REEP1: variants seen among roughly 807,000 people sequenced by gnomAD.
REEP1 encodes the protein receptor accessory protein 1, also known as receptor expression-enhancing protein 1.
In REEP1, 22 loss-of-function variants were observed where a neutral mutation model predicts 40.3. The ratio of observed to expected loss-of-function variants is 0.55; its 90% CI spans 0.39 to 0.78. REEP1 has a LOEUF of 0.78. Ranked by LOEUF, REEP1 falls within the 30% of genes least tolerant of loss-of-function variation. The pLI is 0.00. For missense variants in REEP1, 280 were observed against 361.1 expected (o/e 0.78, Z 1.82); for synonymous variants, 116 against 139.2 (o/e 0.83, Z 1.17).
chr2:86,284,750 C>T (rs974020692), intron 1 of REEP1, among the ~76,000 whole-genome samples: 1 of 152,146 alleles, frequency 6.6e-6, no homozygotes, highest in African/African-American at 2.4e-5. Context: ...TCCCCGTGAA[C>T]CCGTGGGTCG....
At chr2:86,288,310 C>T (rs1351646178) in intron 1 of REEP1, among the ~76,000 whole-genome samples, 1 of 152,218 alleles carries the variant, frequency 6.6e-6, no homozygotes, top group African/African-American at 2.4e-5. Flanking sequence ...GCGTGAGCCA[C>T]AGCACCCAGC....
chr2:86,251,113 A>T (rs1676247843), intron 5 of REEP1, among the ~76,000 whole-genome samples: 1 of 152,102 alleles, frequency 6.6e-6, no homozygotes, highest in South Asian at 2.1e-4. Context: ...CCACCAGCCG[A>T]ATGTAGGTCC....
At chr2:86,280,057 G>C (rs1401634388) in intron 2 of REEP1, 1 of 456,210 alleles carries the variant, frequency 2.2e-6, no homozygotes, top group Non-Finnish European at 4.4e-6. Context: ...AGGGATGAAG[G>C]GACATGGTCA....
At chr2:86,294,026 A>G (rs1678856445) in intron 1 of REEP1, among the ~76,000 whole-genome samples, 1 of 152,232 alleles carries the variant, frequency 6.6e-6, no homozygotes, top group Non-Finnish European at 1.5e-5. Flanking sequence ...CCAATCACAA[A>G]AAGGCAAATA....
chr2:86,320,215 C>A (rs986664401), intron 1 of REEP1, among the ~76,000 whole-genome samples: 1 of 152,192 alleles, frequency 6.6e-6, no homozygotes, highest in Non-Finnish European at 1.5e-5. Flanking sequence ...AAGAGGAAAC[C>A]GTATTTCCCC....
intron 1 of REEP1, among the ~76,000 whole-genome samples, chr2:86,285,700 C>T (rs545477904): frequency 3.9e-5 from 6 of 152,288 alleles, no homozygotes; most frequent in Non-Finnish European, 7.3e-5. Context: ...ATCATATAGT[C>T]CTGGGCAATC....
chr2:86,272,271 A>C (rs1677498695), intron 2 of REEP1, among the ~76,000 whole-genome samples: 1 of 152,138 alleles, frequency 6.6e-6, no homozygotes, highest in Non-Finnish European at 1.5e-5. Flanking sequence ...TTAGCTACAA[A>C]CTTCTCCAGT....
intron 6 of REEP1, among the ~76,000 whole-genome samples, chr2:86,229,661 G>A: frequency 7.0e-6 from 1 of 143,750 alleles, no homozygotes; most frequent in Non-Finnish European, 1.5e-5. Context: ...CCAGACTGGA[G>A]TGCAATGGTG....
At chr2:86,260,642 C>T (rs902145449) in intron 3 of REEP1, among the ~76,000 whole-genome samples, 3 of 152,182 alleles carry the variant, frequency 2.0e-5, no homozygotes, top group African/African-American at 7.2e-5. Flanking sequence ...CTCGACAGGC[C>T]ATCATTGGCT....
rs1296046852 is a variant in REEP1 at position 86,252,004 on chromosome 2, G to A, written c.370C>T (p.Arg124Trp). 2.5e-6 allele frequency: 4 copies of A among 1,614,068 alleles called. No individual in the cohort carries two copies. The highest frequency in any genetic ancestry group is 1.3e-5 in the African/African-American group (1 of 75,022). ...GCTGTGGCGGCCACGTTCAAGCCCC[G>A]CTTCCCGAAGTGCACAAGGGCATCG... ...SYDALVHFGK[R>W]GLNVAATAAV... The change falls in exon 5 of 9, where the codon CGG becomes TGG. Residue 124 changes from arginine (R) to tryptophan (W), a missense_variant. Around this residue, in one of 3 missense-constraint regions of REEP1, gnomAD observed 201 missense variants for 238.5 expected, o/e 0.84. Coordinates refer to ENST00000538924, the MANE Select transcript of REEP1 (RefSeq NM_001371279.1).
At chr2:86,269,424 C>A (rs1186020777) in intron 2 of REEP1, among the ~76,000 whole-genome samples, 1 of 152,214 alleles carries the variant, frequency 6.6e-6, no homozygotes, top group East Asian at 1.9e-4. Context: ...TAGATTATAA[C>A]ACTTTATGGC....
chr2:86,255,805 C>T (rs1676524177), intron 3 of REEP1, among the ~76,000 whole-genome samples: 1 of 152,166 alleles, frequency 6.6e-6, no homozygotes, highest in Non-Finnish European at 1.5e-5. Context: ...AGAAAACTGG[C>T]CTCTTCAACT....
intron 1 of REEP1, among the ~76,000 whole-genome samples, chr2:86,293,450 A>G (rs1413902486): frequency 6.6e-6 from 1 of 152,236 alleles, no homozygotes; most frequent in Non-Finnish European, 1.5e-5. Context: ...GATGATGACT[A>G]CAAAGGGGCA....
intron 1 of REEP1, among the ~76,000 whole-genome samples, chr2:86,325,637 T>C (rs1334309456): frequency 6.6e-6 from 1 of 152,098 alleles, no homozygotes; most frequent in Non-Finnish European, 1.5e-5. Context: ...GAGACTACAG[T>C]AATGCAGCCA....
intron 1 of REEP1, among the ~76,000 whole-genome samples, chr2:86,288,689 C>T (rs190802762): frequency 3.3e-5 from 5 of 152,314 alleles, no homozygotes; most frequent in Non-Finnish European, 2.9e-5. Context: ...TGCAAAACCA[C>T]TTGCCAGAAT....
chr2:86,263,639 G>T (rs1223234236), intron 3 of REEP1, among the ~76,000 whole-genome samples: 1 of 152,132 alleles, frequency 6.6e-6, no homozygotes, highest in Non-Finnish European at 1.5e-5. Context: ...GCATTTTTGT[G>T]CATTGTTTCT....
rs115909297 is a variant in REEP1, at chr2:86,226,664, C to A, written c.631+699G>T. On this transcript the variant is annotated intron_variant, in intron 7 of 8. Coordinates refer to ENST00000538924, the MANE Select transcript of REEP1 (RefSeq NM_001371279.1). ...TTTTTTTTAATTGTAGAGATTAATT[C>A]TTGCTATATTGCCCAGGTTGGTCTC... 5.9e-3 allele frequency among the ~76,000 whole-genome samples: 852 copies of A among 144,680 alleles called. 16 individuals are homozygous for A. The highest frequency in any genetic ancestry group is 0.021 in the African/African-American group (794 of 38,234). 94.9% of individuals were successfully genotyped at this position (144,680 alleles called of 152,430 possible). A position where few individuals can be genotyped will look rare whatever the true frequency, so the allele number is the denominator to read the frequency against.
At chr2:86,297,735 G>T in intron 1 of REEP1, 12 of 985,198 alleles carry the variant, frequency 1.2e-5, no homozygotes, top group Non-Finnish European at 1.4e-5. Context: ...AATCATAAAA[G>T]CAACCTACCT....
At chr2:86,260,917 G>A (rs7568971) in intron 3 of REEP1, among the ~76,000 whole-genome samples, 63,504 of 152,018 alleles carry the variant, frequency 0.42, 14,739 homozygotes, top group East Asian at 0.65. Context: ...GTGGTAATTT[G>A]TTATGGCAGC....
Sources: allele counts gnomAD v4.1 joint callset (sites outside exome capture counted in the v4.1 genomes callset), GRCh38; gene constraint gnomAD v4.1.1; regional missense constraint gnomAD v4.1.1; transcripts MANE v1.5; gene names NCBI Gene and HGNC (gene_info 2026-07-23, HGNC 2026-07-21).